PPARD: variants seen among roughly 807,000 people sequenced by gnomAD.
PPARD encodes the protein peroxisome proliferator-activated receptor delta.
In PPARD, 6 loss-of-function variants were observed where a neutral mutation model predicts 39.5. That is an observed-to-expected ratio of 0.15 (90% confidence interval 0.08 to 0.30). PPARD has a LOEUF of 0.30. PPARD is among the 10% of genes least tolerant of loss of function. PPARD has a pLI of 1.00. For missense variants in PPARD, 397 were observed against 596.8 expected (o/e 0.67, Z 3.49); for synonymous variants, 210 against 231.3 (o/e 0.91, Z 0.83).
At chr6:35,355,719 C>A (rs1761569897) in intron 2 of PPARD, among the ~76,000 whole-genome samples, 2 of 142,446 alleles carry the variant, frequency 1.4e-5, no homozygotes, top group African/African-American at 5.1e-5. Context: ...TCGCGCCGTT[C>A]TCCTGCCTCA....
At chr6:35,415,964 C>T (rs575400728) in intron 3 of PPARD, among the ~76,000 whole-genome samples, 2 of 152,264 alleles carry the variant, frequency 1.3e-5, no homozygotes, top group East Asian at 3.9e-4. Context: ...ACAGTGGGGC[C>T]ACGGTAGGCA....
chr6:35,383,702 G>A (rs1326850551), intron 2 of PPARD, among the ~76,000 whole-genome samples: 1 of 139,356 alleles, frequency 7.2e-6, no homozygotes, highest in Admixed American at 6.8e-5. Flanking sequence ...GATGTGAGGA[G>A]CACCTCTGCC....
At chr6:35,385,430 GGCA>G in intron 2 of PPARD, among the ~76,000 whole-genome samples, 1 of 150,564 alleles carries the variant, frequency 6.6e-6, no homozygotes, top group East Asian at 2.0e-4. Flanking sequence ...GATGCTTGAA[GGCA>G]GCATGCTCGT....
chr6:35,393,609 A>G (rs546559630), intron 2 of PPARD, among the ~76,000 whole-genome samples: 1 of 152,314 alleles, frequency 6.6e-6, no homozygotes, highest in South Asian at 2.1e-4. Context: ...TGCAGGTATA[A>G]TATAAAATCC....
chr6:35,396,796 C>T (rs770281880), intron 2 of PPARD, among the ~76,000 whole-genome samples: 3 of 152,028 alleles, frequency 2.0e-5, no homozygotes, highest in Non-Finnish European at 4.4e-5. Flanking sequence ...CACCACTGCA[C>T]TCCAACCTGG....
intron 2 of PPARD, among the ~76,000 whole-genome samples, chr6:35,370,427 T>TGA (rs1267338157): frequency 3.3e-5 from 5 of 152,188 alleles, no homozygotes; most frequent in African/African-American, 4.8e-5. Context: ...TTGGAGTGCC[T>TGA]TTTGAAGTCG....
rs2299865 is a variant in PPARD at position 35,387,793 on chromosome 6, C to T, written c.-101-23194C>T. ...CTAGAGTGGAATGGCACGATCTCTG[C>T]TCACTGCAACCTCCACCTCTCAGGC... On this transcript the variant is annotated intron_variant, in intron 2 of 7. Coordinates refer to ENST00000360694, the MANE Select transcript of PPARD (RefSeq NM_006238.5). 1.9e-3 allele frequency among the ~76,000 whole-genome samples: 259 copies of T among 139,334 alleles called. 7 individuals carry two copies. In the East Asian group the frequency reaches 0.05, roughly 27 times the overall value. 91.4% of individuals were successfully genotyped at this position (139,334 alleles called of 152,430 possible).
intron 2 of PPARD, among the ~76,000 whole-genome samples, chr6:35,349,781 A>C (rs1183055463): frequency 6.6e-6 from 1 of 150,800 alleles, no homozygotes; most frequent in African/African-American, 2.4e-5. Context: ...TGCTCTTGTC[A>C]CCCAGGCTGG....
At chr6:35,344,591 G>A (rs1368888173) in intron 1 of PPARD, among the ~76,000 whole-genome samples, 3 of 152,112 alleles carry the variant, frequency 2.0e-5, no homozygotes, top group African/African-American at 7.2e-5. Flanking sequence ...GATCTTGGAG[G>A]ATTCTGAAAG....
chr6:35,348,406 C>A, intron 2 of PPARD: 2 of 985,386 alleles, frequency 2.0e-6, no homozygotes, highest in Non-Finnish European at 1.2e-6. Context: ...GCTCTGGGTT[C>A]CCATTGCTGT....
chr6:35,356,719 C>T (rs764303060), intron 2 of PPARD, among the ~76,000 whole-genome samples: 5 of 152,190 alleles, frequency 3.3e-5, no homozygotes, highest in Non-Finnish European at 5.9e-5. Flanking sequence ...CAAATGTCTG[C>T]GGACATTGCC....
chr6:35,372,730 A>G (rs1192392961), intron 2 of PPARD, among the ~76,000 whole-genome samples: 1 of 152,188 alleles, frequency 6.6e-6, no homozygotes, highest in Non-Finnish European at 1.5e-5. Context: ...GAGATAGATG[A>G]CAAAGTGGGT....
chr6:35,385,727 T>C (rs1301112412), intron 2 of PPARD, among the ~76,000 whole-genome samples: 1 of 150,804 alleles, frequency 6.6e-6, no homozygotes, highest in Non-Finnish European at 1.5e-5. Flanking sequence ...GATAATTGAC[T>C]GTGTTTTGAA....
chr6:35,405,710 A>T (rs893284035), intron 2 of PPARD, among the ~76,000 whole-genome samples: 81 of 151,816 alleles, frequency 5.3e-4, no homozygotes, highest in African/African-American at 1.9e-3. Context: ...GCCCACTGCA[A>T]CCTCTGTCTC....
intron 2 of PPARD, among the ~76,000 whole-genome samples, chr6:35,391,041 TAAAAA>T (rs1199313937): frequency 6.6e-6 from 1 of 151,988 alleles, no homozygotes; most frequent in Non-Finnish European, 1.5e-5. Flanking sequence ...ATTAAAATAA[TAAAAA>T]TAAAATAAAT....
At chr6:35,408,639 C>G (rs1765218541) in intron 2 of PPARD, among the ~76,000 whole-genome samples, 1 of 152,184 alleles carries the variant, frequency 6.6e-6, no homozygotes, top group Non-Finnish European at 1.5e-5. Flanking sequence ...TAGTGGAGAC[C>G]ATGCGAGTGG....
At chr6:35,421,777 C>A in intron 4 of PPARD, 43 bp from the exon 5 acceptor site, 1 of 1,565,382 alleles carries the variant, frequency 6.4e-7, no homozygotes, top group Non-Finnish European at 8.7e-7. Flanking sequence ...AGCCTCCCTC[C>A]CACCTCCTGG....
chr6:35,370,470 C>G (rs1402762184), intron 2 of PPARD, among the ~76,000 whole-genome samples: 1 of 152,176 alleles, frequency 6.6e-6, no homozygotes, highest in Non-Finnish European at 1.5e-5. Flanking sequence ...AGTTCAGTGT[C>G]TTCAAAAATA....
chr6:35,388,331 A>G (rs532995180), intron 2 of PPARD, among the ~76,000 whole-genome samples: 6 of 152,316 alleles, frequency 3.9e-5, no homozygotes, highest in Non-Finnish European at 5.9e-5. Context: ...CAGCATCTGC[A>G]GAGGAGCCTG....
Sources: allele counts gnomAD v4.1 joint callset (sites outside exome capture counted in the v4.1 genomes callset), GRCh38; gene constraint gnomAD v4.1.1; transcripts MANE v1.5; gene names NCBI Gene and HGNC (gene_info 2026-07-23, HGNC 2026-07-21).